Variants in BCL9 observed in about 807,000 individuals in gnomAD.
BCL9 encodes the protein B-cell CLL/lymphoma 9 protein.
Under a neutral mutation model 88.5 loss-of-function variants are expected in BCL9, and 25 were observed. The observed-to-expected ratio is 0.28, with a 90% CI of 0.21 to 0.39. The LOEUF (loss-of-function observed/expected upper bound fraction) is 0.39, where lower values mean the gene tolerates loss of function less well. BCL9 is among the 10% of genes least tolerant of loss of function. The pLI is 1.00. For missense variants in BCL9, 1,817 were observed against 1,877.8 expected (o/e 0.97, Z 0.60); for synonymous variants, 711 against 673.3 (o/e 1.06, Z -0.87).
chr1:147,604,114 C>T (rs1202326025), intron 1 of BCL9, among the ~76,000 whole-genome samples: 1 of 152,114 alleles, frequency 6.6e-6, no homozygotes, highest in Non-Finnish European at 1.5e-5. Flanking sequence ...GTGACAAGGT[C>T]ACAGAATTGC....
At chr1:147,574,132 A>G (rs1656009567) in intron 1 of BCL9, among the ~76,000 whole-genome samples, 1 of 152,162 alleles carries the variant, frequency 6.6e-6, no homozygotes, top group Non-Finnish European at 1.5e-5. Flanking sequence ...AGTTTACATA[A>G]ACCTAGGCTT....
chr1:147,611,328 C>A (rs1266669234), intron 3 of BCL9, among the ~76,000 whole-genome samples: 2 of 152,172 alleles, frequency 1.3e-5, no homozygotes, highest in Admixed American at 1.3e-4. Context: ...ACCTGCTCAC[C>A]CTTGCCTGGT....
At chr1:147,593,084 T>C (rs1333194883) in intron 1 of BCL9, among the ~76,000 whole-genome samples, 1 of 152,128 alleles carries the variant, frequency 6.6e-6, no homozygotes, top group Non-Finnish European at 1.5e-5. Context: ...ACCATCACCA[T>C]CATCATCACA....
At chr1:147,544,390 A>G (rs1553194075) in intron 1 of BCL9, among the ~76,000 whole-genome samples, 1 of 150,576 alleles carries the variant, frequency 6.6e-6, no homozygotes, top group African/African-American at 2.5e-5. Flanking sequence ...TCCAAAGAGC[A>G]GAAAATTCTC....
At chr1:147,563,086 G>C (rs1655455070) in intron 1 of BCL9, among the ~76,000 whole-genome samples, 1 of 152,280 alleles carries the variant, frequency 6.6e-6, no homozygotes, top group East Asian at 1.9e-4. Context: ...ATCTTCACAT[G>C]GTTGGCCCCT....
At position 147,623,999 on chromosome 1, in the gene BCL9, C is replaced by G. The variant is rs1479237967; in HGVS notation, c.3321C>G (p.Val1107=). 6.2e-7 allele frequency: 1 copy of G among 1,614,192 alleles called. No individual in the cohort carries two copies. ...GACCCAACATACCTCCTCATGGGGTCCCAATGGGGCCTGGCTTGATGTCAC... is the reference window on the plus strand; with the variant it reads ...GACCCAACATACCTCCTCATGGGGTGCCAATGGGGCCTGGCTTGATGTCAC... The part of the protein sequence containing the change: ...AVGPNIPPHG[V]PMGPGLMSHN... The change falls in exon 10 of 10, where the codon GTC becomes GTG. Residue 1107 remains valine (V), a synonymous_variant. Coordinates refer to ENST00000234739, the MANE Select transcript of BCL9 (RefSeq NM_004326.4).
At chr1:147,571,289 G>A (rs1307326034) in intron 1 of BCL9, among the ~76,000 whole-genome samples, 5 of 152,124 alleles carry the variant, frequency 3.3e-5, no homozygotes, top group Non-Finnish European at 7.4e-5. Flanking sequence ...TCTGGTCTCA[G>A]ATCTGAGTCT....
chr1:147,592,908 T>C (rs1656907435), intron 1 of BCL9, among the ~76,000 whole-genome samples: 1 of 152,180 alleles, frequency 6.6e-6, no homozygotes, highest in South Asian at 2.1e-4. Flanking sequence ...AGAGGTTAGG[T>C]AATTTTTCCA....
chr1:147,584,518 T>A (rs781893702), intron 1 of BCL9, among the ~76,000 whole-genome samples: 43 of 152,216 alleles, frequency 2.8e-4, no homozygotes, highest in Non-Finnish European at 5.7e-4. Context: ...ATCTTTTTTT[T>A]AATCCACTTA....
intron 1 of BCL9, among the ~76,000 whole-genome samples, chr1:147,599,169 C>T (rs1657191595): frequency 6.6e-6 from 1 of 152,348 alleles, no homozygotes; most frequent in South Asian, 2.1e-4. Context: ...AAGGAGACCC[C>T]TGCACCCCCG....
In BCL9 at chr1:147,624,609, C is replaced by T; in HGVS notation, c.3931C>T (p.Pro1311Ser). The T allele has an allele frequency of 1.2e-6, 2 of 1,614,190 alleles. No homozygotes were observed. Among genetic ancestry groups the T allele is most frequent in the East Asian group, 2.2e-5 (1 of 44,872 alleles). Residue 1311 changes from proline (P) to serine (S), a missense_variant, in exon 10 of 10, where the codon CCA becomes TCA. Coordinates refer to ENST00000234739, the MANE Select transcript of BCL9 (RefSeq NM_004326.4). The surrounding 1 kb of genome is among the most constrained non-coding windows in gnomAD (Gnocchi z 4.4). ...DIPLGTAPSMPGHNPMRPPAF... is the reference protein window; with the variant it reads ...DIPLGTAPSMSGHNPMRPPAF... ...CCCTCTTGGTACAGCTCCATCCATG[C>T]CAGGCCACAACCCCATGAGACCACC...
rs782323880 is a variant in BCL9, at chr1:147,624,323, T to G, written c.3645T>G (p.Phe1215Leu). 1 of 1,614,130 alleles carries G rather than the reference T, an allele frequency of 6.2e-7. No individual in the cohort carries two copies. The change falls in exon 10 of 10, where the codon TTT becomes TTG. Residue 1215 changes from phenylalanine (F) to leucine (L), a missense_variant. Physicochemically the swap from Phe to Leu is conservative, Grantham distance 22. This residue lies in a region of BCL9 where 589 missense variants were observed against 686.2 expected (regional missense o/e 0.86). Transcript: ENST00000234739. This position sits in a 1 kb window ranked among gnomAD's most constrained non-coding sequence, Gnocchi z 4.4. ...TGGGGAACAGCATGCCTTCGGTGTTTACAGACCCAGATCTGCAGGAGGTCA... is the reference window on the plus strand; with the variant it reads ...TGGGGAACAGCATGCCTTCGGTGTTGACAGACCCAGATCTGCAGGAGGTCA... ...TVLGNSMPSVFTDPDLQEVIR... is the reference protein window; with the variant it reads ...TVLGNSMPSVLTDPDLQEVIR...
In BCL9 at chr1:147,567,641, C is replaced by A. The variant is rs74550663; in HGVS notation, c.-478+25967C>A. Among the ~76,000 whole-genome samples, 659 of 152,246 alleles carry A rather than the reference C, an allele frequency of 4.3e-3. 2 individuals carry two copies. The highest frequency in any genetic ancestry group is 0.015 in the African/African-American group (637 of 41,532). ...AGCATCAAATTTGGCATGTAACTGA[C>A]CCTCAATGAGAATAATGCCTAACTC... On this transcript the variant is annotated intron_variant, in intron 1 of 9. Transcript: ENST00000234739.
At chr1:147,573,271 T>C (rs959750531) in intron 1 of BCL9, among the ~76,000 whole-genome samples, 1 of 152,152 alleles carries the variant, frequency 6.6e-6, no homozygotes, top group Non-Finnish European at 1.5e-5. Context: ...ACTAACATGG[T>C]GAAACCCCAT....
At chr1:147,542,178 C>T (rs1211708736) in intron 1 of BCL9, among the ~76,000 whole-genome samples, 2 of 152,126 alleles carry the variant, frequency 1.3e-5, no homozygotes, top group African/African-American at 2.4e-5. Context: ...GTGGACTTCC[C>T]ACACACTGCC....
rs782483080 is a variant in BCL9, at chr1:147,624,299, G to A, written c.3621G>A (p.Leu1207=). ...GGGGTCCTGACTCCTTCACTGTCCT[G>A]GGGAACAGCATGCCTTCGGTGTTTA... ...GPGGPDSFTV[L]GNSMPSVFTD... The change falls in exon 10 of 10, where the codon CTG becomes CTA. Residue 1207 remains leucine (L), a synonymous_variant. Transcript: ENST00000234739. The surrounding 1 kb of genome is among the most constrained non-coding windows in gnomAD (Gnocchi z 4.4). The A allele has an allele frequency of 1.2e-6, 2 of 1,614,234 alleles. No individual in the cohort carries two copies. Among genetic ancestry groups the A allele is most frequent in the Non-Finnish European group, 1.7e-6 (2 of 1,180,042 alleles).
rs782141497 is a variant in BCL9, at chr1:147,619,097, G to A, written c.942G>A (p.Val314=). 6.2e-7 allele frequency: 1 copy of A among 1,613,842 alleles called. No homozygotes were observed. The highest frequency in any genetic ancestry group is 1.3e-5 in the African/African-American group (1 of 75,032). ...GPNSTPNNRA[V]TPVSQGSNSS... The stretch of plus-strand genomic sequence containing the variant: ...ACTCAACTCCCAACAATAGGGCAGT[G>A]ACCCCTGTCTCCCAGGGGAGCAATA... Residue 314 remains valine (V), a synonymous_variant, in exon 8 of 10, where the codon GTG becomes GTA. Transcript: ENST00000234739. The surrounding 1 kb of genome is among the most constrained non-coding windows in gnomAD (Gnocchi z 4.1).
At chr1:147,573,693 G>A (rs1224871198) in intron 1 of BCL9, among the ~76,000 whole-genome samples, 1 of 152,166 alleles carries the variant, frequency 6.6e-6, no homozygotes, top group Non-Finnish European at 1.5e-5. Flanking sequence ...GGGGAGCATT[G>A]CTGTAAAGGT....
Position 147,623,851 on chromosome 1 carries a change from T to G in BCL9, c.3173T>G (p.Ile1058Ser), listed in dbSNP as rs1291416498. Reference sequence around the variant, plus strand: ...ATCTTTATTTTTCTAGGAATGGGCATTAATACACAGAATCCTCGAATTTCA... The same window carrying G: ...ATCTTTATTTTTCTAGGAATGGGCAGTAATACACAGAATCCTCGAATTTCA... ...PSMNNMPGMG[I>S]NTQNPRISGP... Residue 1058 changes from isoleucine to serine, a missense_variant, in exon 10 of 10, where the codon ATT becomes AGT. Around this residue, in one of 2 missense-constraint regions of BCL9, gnomAD observed 589 missense variants for 686.2 expected, o/e 0.86. Transcript: ENST00000234739. 10 of 1,612,672 alleles carry G rather than the reference T, an allele frequency of 6.2e-6. No individual in the cohort carries two copies. The highest frequency in any genetic ancestry group is 8.5e-6 in the Non-Finnish European group (10 of 1,178,902).
Sources: gnomAD v4.1 joint callset for allele counts (sites outside exome capture counted in the v4.1 genomes callset) on GRCh38, gnomAD v4.1.1 for gene constraint, gnomAD v4.1.1 regional missense constraint, Gnocchi (gnomAD v3.1) non-coding constraint, MANE v1.5 for transcripts, NCBI Gene and HGNC (gene_info 2026-07-23, HGNC 2026-07-21) for gene names.